Variants in THRB observed in about 807,000 individuals in gnomAD.
THRB encodes nuclear receptor subfamily 1 group A member 2.
Under a neutral mutation model 47.8 loss-of-function variants are expected in THRB, and 12 were observed. The observed-to-expected ratio is 0.25, with a 90% CI of 0.16 to 0.41. The LOEUF (loss-of-function observed/expected upper bound fraction) is 0.41. Ranked by LOEUF, THRB falls within the 10% of genes least tolerant of loss-of-function variation. The pLI, the probability that THRB is intolerant of heterozygous loss-of-function variation, is 1.00. For missense variants in THRB, 348 were observed against 589.2 expected (o/e 0.59, Z 4.24); for synonymous variants, 218 against 212.2 (o/e 1.03, Z -0.24).
chr3:24,323,689 T>C (rs2058634272), intron 2 of THRB, among the ~76,000 whole-genome samples: 2 of 152,190 alleles, frequency 1.3e-5, no homozygotes, highest in Admixed American at 6.5e-5. Context: ...CAGATGAAGA[T>C]TCTCCCCAGG....
intron 1 of THRB, among the ~76,000 whole-genome samples, chr3:24,363,914 G>C (rs1348005797): frequency 6.6e-6 from 1 of 152,070 alleles, no homozygotes; most frequent in Non-Finnish European, 1.5e-5. Flanking sequence ...CACTTAAACA[G>C]TTTGTGATTA....
chr3:24,177,902 A>G (rs1471728322), intron 5 of THRB, among the ~76,000 whole-genome samples: 1 of 152,242 alleles, frequency 6.6e-6, no homozygotes, highest in Non-Finnish European at 1.5e-5. Flanking sequence ...TGTTTAGTTA[A>G]AATATGAGAC....
intron 1 of THRB, among the ~76,000 whole-genome samples, chr3:24,448,292 G>T (rs1190450371): frequency 6.6e-6 from 1 of 152,016 alleles, no homozygotes; most frequent in Admixed American, 6.6e-5. Flanking sequence ...ACATAGAAAC[G>T]CAATTCAGGG....
chr3:24,400,444 A>G (rs1344408505), intron 1 of THRB, among the ~76,000 whole-genome samples: 1 of 152,094 alleles, frequency 6.6e-6, no homozygotes, highest in Non-Finnish European at 1.5e-5. Flanking sequence ...ACATCAAAAT[A>G]TCTGTTGCAA....
chr3:24,186,052 C>T (rs1296880979), intron 5 of THRB, among the ~76,000 whole-genome samples: 2 of 152,120 alleles, frequency 1.3e-5, no homozygotes, highest in Non-Finnish European at 2.9e-5. Flanking sequence ...CACGTGCAGT[C>T]AGGGAAGGGA....
intron 1 of THRB, among the ~76,000 whole-genome samples, chr3:24,480,391 A>G (rs1195205239): frequency 6.6e-6 from 1 of 152,188 alleles, no homozygotes; most frequent in Non-Finnish European, 1.5e-5. Context: ...CAGAGGACCC[A>G]CTTCCTTCAG....
intron 1 of THRB, among the ~76,000 whole-genome samples, chr3:24,433,409 A>G (rs1484191060): frequency 1.3e-5 from 2 of 152,222 alleles, no homozygotes; most frequent in South Asian, 2.1e-4. Context: ...GATTAGAGTG[A>G]CGCACTTTCT....
At chr3:24,323,044 T>C (rs2058584430) in intron 2 of THRB, among the ~76,000 whole-genome samples, 1 of 152,184 alleles carries the variant, frequency 6.6e-6, no homozygotes, top group Non-Finnish European at 1.5e-5. Flanking sequence ...TTCACTCCCA[T>C]TCTGTTCCTC....
chr3:24,213,991 C>T (rs2046316789), intron 4 of THRB, among the ~76,000 whole-genome samples: 1 of 152,184 alleles, frequency 6.6e-6, no homozygotes, highest in Non-Finnish European at 1.5e-5. Flanking sequence ...AGGCTCACTA[C>T]CTACCTTCTA....
intron 1 of THRB, among the ~76,000 whole-genome samples, chr3:24,379,631 C>T (rs556793919): frequency 5.3e-4 from 80 of 152,034 alleles, no homozygotes; most frequent in African/African-American, 1.8e-3. Context: ...AAAGGTGACT[C>T]GGCAAGTAGA....
At chr3:24,409,885 G>T (rs1344800006) in intron 1 of THRB, among the ~76,000 whole-genome samples, 8 of 151,790 alleles carry the variant, frequency 5.3e-5, no homozygotes, top group African/African-American at 1.7e-4. Flanking sequence ...AGACATTCCT[G>T]CATTCAAGGC....
chr3:24,218,006 C>A (rs933576724), intron 4 of THRB, among the ~76,000 whole-genome samples: 2 of 152,170 alleles, frequency 1.3e-5, no homozygotes, highest in African/African-American at 4.8e-5. Context: ...GTGGCTCACG[C>A]CTGTAGTCCC....
chr3:24,221,491 G>A (rs1454760634), intron 4 of THRB, among the ~76,000 whole-genome samples: 1 of 152,140 alleles, frequency 6.6e-6, no homozygotes, highest in African/African-American at 2.4e-5. Context: ...GAGTGGTGAT[G>A]GTGGGGATAA....
Position 24,442,412 on chromosome 3 carries a change from G to A in THRB, c.-261+52240C>T, listed in dbSNP as rs540426576. Among the ~76,000 whole-genome samples, 5 of 152,128 alleles carry A rather than the reference G, an allele frequency of 3.3e-5. No homozygotes were observed. In the South Asian group the frequency reaches 8.3e-4, roughly 25 times the overall value. ...CAGGTAGAATATTCTGCAACAGTTC[G>A]CAGTCTTGGAAAAAAATAGGCACTT... On this transcript the variant is annotated intron_variant, in intron 1 of 10. Coordinates refer to ENST00000646209, the MANE Select transcript of THRB (RefSeq NM_001354712.2).
intron 10 of THRB, among the ~76,000 whole-genome samples, chr3:24,124,143 A>G (rs1349105111): frequency 2.6e-5 from 4 of 152,214 alleles, no homozygotes; most frequent in African/African-American, 7.2e-5. Flanking sequence ...GTCTGTATCA[A>G]TAGGAATCGA....
intron 5 of THRB, among the ~76,000 whole-genome samples, chr3:24,155,593 A>G (rs971048577): frequency 3.3e-5 from 5 of 152,196 alleles, no homozygotes; most frequent in Non-Finnish European, 5.9e-5. Flanking sequence ...ATACTAACCA[A>G]TTCTCCTAGA....
At chr3:24,165,027 C>CT (rs757560067) in intron 5 of THRB, 13 of 739,218 alleles carry the variant, frequency 1.8e-5, no homozygotes, top group South Asian at 7.1e-5. Flanking sequence ...TGGTCCCTAC[C>CT]TTTTTTTTGA....
chr3:24,355,784 G>A (rs1367593512), intron 1 of THRB, among the ~76,000 whole-genome samples: 4 of 152,108 alleles, frequency 2.6e-5, no homozygotes, highest in African/African-American at 4.8e-5. Flanking sequence ...AAAACACATG[G>A]CAGGGTCATC....
chr3:24,216,479 G>T (rs1282550588), intron 4 of THRB, among the ~76,000 whole-genome samples: 2 of 152,140 alleles, frequency 1.3e-5, no homozygotes, highest in Non-Finnish European at 2.9e-5. Flanking sequence ...GTGGTGGAGG[G>T]CACCTGTAGT....
Sources: gnomAD v4.1 joint callset for allele counts (sites outside exome capture counted in the v4.1 genomes callset) on GRCh38, gnomAD v4.1.1 for gene constraint, MANE v1.5 for transcripts, NCBI Gene and HGNC (gene_info 2026-07-23, HGNC 2026-07-21) for gene names.